USH1C: variants seen among roughly 807,000 people sequenced by gnomAD.
USH1C encodes the protein harmonin.
Under a neutral mutation model 119.3 loss-of-function variants are expected in USH1C, and 90 were observed. The observed-to-expected ratio is 0.75, with a 90% CI of 0.64 to 0.90. The LOEUF (loss-of-function observed/expected upper bound fraction) is 0.90, where lower values mean the gene tolerates loss of function less well. USH1C is among the 40% of genes least tolerant of loss of function. The probability of loss-of-function intolerance (pLI) is 0.00; values close to 1 mark genes in which losing one functional copy is unlikely to be tolerated. For missense variants in USH1C, 1,165 were observed against 1,167.7 expected (o/e 1.00, Z 0.03); for synonymous variants, 465 against 443.3 (o/e 1.05, Z -0.62).
At chr11:17,523,158 G>T in intron 11 of USH1C, 53 bp downstream of exon 11, 2 of 1,612,566 alleles carry the variant, frequency 1.2e-6, no homozygotes, top group South Asian at 2.2e-5. Context: ...TCAAAGGTCA[G>T]AGGGGCTGGG....
intron 1 of USH1C, among the ~76,000 whole-genome samples, chr11:17,534,131 A>T (rs1851127848): frequency 6.6e-6 from 1 of 152,260 alleles, no homozygotes; most frequent in South Asian, 2.1e-4. Flanking sequence ...AAGAACGGGT[A>T]ACAGAGCAAG....
chr11:17,503,702 C>T (rs535240075), intron 20 of USH1C, among the ~76,000 whole-genome samples: 38 of 152,318 alleles, frequency 2.5e-4, no homozygotes, highest in African/African-American at 7.7e-4. Flanking sequence ...CTGCAGAGAC[C>T]GACCTCCTGG....
intron 1 of USH1C, among the ~76,000 whole-genome samples, chr11:17,538,962 C>T (rs1485370682): frequency 6.6e-6 from 1 of 152,174 alleles, no homozygotes; most frequent in Non-Finnish European, 1.5e-5. Flanking sequence ...CAGGGTGCAG[C>T]TTGTTGGGTC....
chr11:17,543,814 C>T (rs1851576525), intron 1 of USH1C, among the ~76,000 whole-genome samples: 1 of 152,242 alleles, frequency 6.6e-6, no homozygotes, highest in Admixed American at 6.5e-5. Flanking sequence ...AACTCATGTT[C>T]TGAGGTCAAA....
intron 16 of USH1C, among the ~76,000 whole-genome samples, chr11:17,511,395 C>G (rs553871906): frequency 8.5e-5 from 13 of 152,160 alleles, no homozygotes; most frequent in Middle Eastern, 3.4e-3. Context: ...GATTCAGACT[C>G]GTAGACAGGT....
Position 17,516,462 on chromosome 11 carries a change from T to C in USH1C, c.1211-172A>G, listed in dbSNP as rs1292842720. On this transcript the variant is annotated intron_variant, in intron 14 of 26. Transcript: ENST00000005226. Reference sequence around the variant, plus strand: ...CTGTCCAACTCGGCTTACCTGGCCTTGCCTTGGTTGCAGAACAGGCCTAAG... The same window carrying C: ...CTGTCCAACTCGGCTTACCTGGCCTCGCCTTGGTTGCAGAACAGGCCTAAG... 14 of 702,426 alleles carry C rather than the reference T, an allele frequency of 2.0e-5. No homozygotes were observed. In the East Asian group the frequency reaches 3.9e-4, roughly 20 times the overall value. The allele number at this position is 702,426 out of a possible 1,614,324, so 43.5% of individuals were successfully genotyped here. A position where few individuals can be genotyped will look rare whatever the true frequency, so the allele number is the denominator to read the frequency against.
At chr11:17,501,803 G>C in intron 21 of USH1C, 136 bp downstream of exon 21, 1 of 1,041,960 alleles carries the variant, frequency 9.6e-7, no homozygotes, top group Non-Finnish European at 1.5e-6. Context: ...AGCAGCTGGG[G>C]CATCACTGGG....
intron 26 of USH1C, chr11:17,495,107 A>T: frequency 4.1e-6 from 1 of 244,986 alleles, no homozygotes; most frequent in Non-Finnish European, 8.1e-6. Flanking sequence ...GTGGAGCAAG[A>T]GCTCCCAGGA....
chr11:17,544,139 C>G, intron 1 of USH1C, 133 bp downstream of exon 1: 1 of 1,188,226 alleles, frequency 8.4e-7, no homozygotes, highest in Admixed American at 1.8e-5. Context: ...AGACGACCCT[C>G]GGGTGTCCCA....
Position 17,504,708 on chromosome 11 carries a change from A to C in USH1C, c.2134-11T>G. On this transcript the variant is annotated splice_polypyrimidine_tract_variant and intron_variant, in intron 19 of 26. Transcript: ENST00000005226. ...CAACATCTCCTGTGGCTGCCAGAGG[A>C]AAAAAAAAAAAGTTCCACATTGGAT... The C allele has an allele frequency of 2.7e-6, 2 of 735,634 alleles. No homozygotes were observed. Among genetic ancestry groups the C allele is most frequent in the African/African-American group, 2.0e-5 (1 of 49,274 alleles). The allele number at this position is 735,634 out of a possible 1,614,324, so 45.6% of individuals were successfully genotyped here. A position where few individuals can be genotyped will look rare whatever the true frequency, so the allele number is the denominator to read the frequency against.
chr11:17,541,222 T>G (rs1298281969), intron 1 of USH1C, among the ~76,000 whole-genome samples: 3 of 152,242 alleles, frequency 2.0e-5, no homozygotes, highest in Admixed American at 2.0e-4. Context: ...TTCATAGAAT[T>G]TATCACTATC....
rs774990972 is a variant in USH1C at position 17,494,285 on chromosome 11, G to T, written c.*47C>A. 1 of 1,592,190 alleles carries T rather than the reference G, an allele frequency of 6.3e-7. No homozygotes were observed. Among genetic ancestry groups the T allele is most frequent in the Non-Finnish European group, 8.6e-7 (1 of 1,167,536 alleles). On this transcript the variant is annotated 3_prime_UTR_variant, in exon 27 of 27. Transcript: ENST00000005226. Reference sequence around the variant, plus strand: ...GTGTAGTGTGGCCTCTCTCAAGGCTGATCCGAGGCTTTGTGTTCACGAGGT... The same window carrying T: ...GTGTAGTGTGGCCTCTCTCAAGGCTTATCCGAGGCTTTGTGTTCACGAGGT...
At chr11:17,496,014 C>A (rs1252797138) in intron 25 of USH1C, among the ~76,000 whole-genome samples, 1 of 151,482 alleles carries the variant, frequency 6.6e-6, no homozygotes, top group African/African-American at 2.4e-5. Flanking sequence ...GAAAGGCAGA[C>A]AAAGAGGTAA....
chr11:17,535,026 C>G (rs1294603948), intron 1 of USH1C, among the ~76,000 whole-genome samples: 1 of 152,184 alleles, frequency 6.6e-6, no homozygotes, highest in Non-Finnish European at 1.5e-5. Context: ...TCTCTCACCC[C>G]CTCTGCTCAG....
intron 4 of USH1C, among the ~76,000 whole-genome samples, chr11:17,530,457 C>A (rs143834674): frequency 1.7e-4 from 26 of 152,336 alleles, no homozygotes; most frequent in Admixed American, 2.6e-4. Context: ...AAAATGGGCA[C>A]GATCCGTTCA....
rs779059520 is a variant in USH1C, at chr11:17,533,341, G to T, written c.37-19C>A. The T allele has an allele frequency of 6.3e-7, 1 of 1,582,294 alleles. No individual in the cohort carries two copies. The highest frequency in any genetic ancestry group is 8.7e-7 in the Non-Finnish European group (1 of 1,154,538). ...AATCCACCTGGAAAATCCAATAGCA[G>T]AATCACAGCTCCAGGCTCAGCACCC... On this transcript the variant is annotated intron_variant, in intron 1 of 26. Transcript: ENST00000005226.
intron 20 of USH1C, among the ~76,000 whole-genome samples, chr11:17,502,758 A>T (rs897818831): frequency 1.3e-5 from 2 of 152,162 alleles, no homozygotes; most frequent in African/African-American, 4.8e-5. Flanking sequence ...TCCCTGAACT[A>T]TGTGGCCTTC....
chr11:17,533,445 G>C, intron 1 of USH1C, 123 bp from the exon 2 acceptor site: 1 of 747,294 alleles, frequency 1.3e-6, no homozygotes, highest in South Asian at 1.4e-5. Context: ...GAGTTGTGAG[G>C]AGAGAAGAGG....
In USH1C at chr11:17,494,252, T is replaced by C; in HGVS notation, c.*80A>G. 2.7e-6 allele frequency: 4 copies of C among 1,501,372 alleles called. No homozygotes were observed. Among genetic ancestry groups the C allele is most frequent in the East Asian group, 2.4e-5 (1 of 41,930 alleles). The allele number at this position is 1,501,372 out of a possible 1,614,324, so 93.0% of individuals were successfully genotyped here. A position where few individuals can be genotyped will look rare whatever the true frequency, so the allele number is the denominator to read the frequency against. ...ATAGATTCAGGTCCCAAGGATGCCATCTGGTGTGTGTAGTGTGGCCTCTCT... is the reference window on the plus strand; with the variant it reads ...ATAGATTCAGGTCCCAAGGATGCCACCTGGTGTGTGTAGTGTGGCCTCTCT... On this transcript the variant is annotated 3_prime_UTR_variant, in exon 27 of 27. Transcript: ENST00000005226.
Sources: gnomAD v4.1 joint callset for allele counts (sites outside exome capture counted in the v4.1 genomes callset) on GRCh38, gnomAD v4.1.1 for gene constraint, MANE v1.5 for transcripts, NCBI Gene and HGNC (gene_info 2026-07-23, HGNC 2026-07-21) for gene names.